FAM149A: variants seen among roughly 807,000 people sequenced by gnomAD.
The protein encoded by FAM149A is family with sequence similarity 149 member A.
A neutral mutation model predicts 78.2 loss-of-function variants in FAM149A; 71 were observed. The observed-to-expected ratio is 0.91, with a 90% confidence interval of 0.75 to 1.11. The LOEUF is 1.11. Among genes scored for constraint, FAM149A ranks in the 50% least tolerant of loss-of-function variants. The pLI, the probability that FAM149A is intolerant of heterozygous loss-of-function variation, is 0.00. For synonymous variants in FAM149A, 446 were observed against 410.5 expected (o/e 1.09, Z -1.04); for missense variants, 1,036 against 971.0 (o/e 1.07, Z -0.89).
chr4:186,155,474 A>G (rs187682599), intron 6 of FAM149A, among the ~76,000 whole-genome samples: 4 of 152,326 alleles, frequency 2.6e-5, no homozygotes, highest in African/African-American at 9.6e-5. Flanking sequence ...AATATGTGTA[A>G]ACTAAACAAC....
intron 8 of FAM149A, chr4:186,158,749 A>G (rs2126504937): frequency 2.8e-6 from 3 of 1,070,304 alleles, no homozygotes; most frequent in Non-Finnish European, 2.3e-6. Context: ...AGCCGTCCCT[A>G]CTGCAGACTG....
intron 1 of FAM149A, among the ~76,000 whole-genome samples, chr4:186,128,711 T>C (rs951784127): frequency 2.0e-5 from 3 of 152,226 alleles, no homozygotes; most frequent in Non-Finnish European, 4.4e-5. Flanking sequence ...TATTATTTAA[T>C]GTACTTCAGT....
At chr4:186,126,510 A>C (rs891558861) in intron 1 of FAM149A, among the ~76,000 whole-genome samples, 1 of 152,184 alleles carries the variant, frequency 6.6e-6, no homozygotes, top group African/African-American at 2.4e-5. Flanking sequence ...AAATAGAACA[A>C]AAAGGCAGAG....
chr4:186,149,108 A>G lies in FAM149A; in HGVS notation c.567-65A>G, dbSNP rs1312006653. On this transcript the variant is annotated intron_variant, in intron 1 of 13. Coordinates refer to ENST00000389354, the MANE Select transcript of FAM149A (RefSeq NM_001367768.3). ...CTTTGTATAAAAGAGAAATTTTAAAAGTCTTAATGAATAAAACTATATTAT... is the reference window on the plus strand; with the variant it reads ...CTTTGTATAAAAGAGAAATTTTAAAGGTCTTAATGAATAAAACTATATTAT... 6.6e-6 allele frequency: 8 copies of G among 1,205,680 alleles called. No individual in the cohort carries two copies. In the African/African-American group the frequency reaches 1.3e-4, roughly 19 times the overall value. 74.7% of individuals were successfully genotyped at this position (1,205,680 alleles called of 1,614,324 possible).
intron 7 of FAM149A, among the ~76,000 whole-genome samples, chr4:186,157,115 G>A (rs1208586133): frequency 2.0e-5 from 3 of 151,986 alleles, no homozygotes; most frequent in Non-Finnish European, 4.4e-5. Flanking sequence ...TATCTGTAAT[G>A]TAAAATGTAA....
chr4:186,109,138 C>T lies in FAM149A; in HGVS notation c.566+3496C>T, dbSNP rs189962957. On this transcript the variant is annotated intron_variant, in intron 1 of 13. Coordinates refer to ENST00000389354, the MANE Select transcript of FAM149A (RefSeq NM_001367768.3). ...CTGGGATTACAGGCTTGAGCCACCG[C>T]GCCCGGCCGGTCTTATTCTCTTATT... 3.5e-3 allele frequency: 3,441 copies of T among 984,868 alleles called. 7 individuals are homozygous for T. The highest frequency in any genetic ancestry group is 0.011 in the Middle Eastern group (22 of 1,914). 61.0% of individuals were successfully genotyped at this position (984,868 alleles called of 1,614,324 possible).
In FAM149A at chr4:186,105,451, C is replaced by G. The variant is rs1002676282; in HGVS notation, c.375C>G (p.Val125=). The change falls in exon 1 of 14, where the codon GTC becomes GTG. Residue 125 remains valine (V), a synonymous_variant. Coordinates refer to ENST00000389354, the MANE Select transcript of FAM149A (RefSeq NM_001367768.3). Reference sequence around the variant, plus strand: ...GCTGCTCCCCTGCTCGCCTGGTGGTCCCAGCGCGGCCGCCCTCGGGCCCCG... The same window carrying G: ...GCTGCTCCCCTGCTCGCCTGGTGGTGCCAGCGCGGCCGCCCTCGGGCCCCG... 2.5e-6 allele frequency: 3 copies of G among 1,214,874 alleles called. No individual in the cohort carries two copies. The South Asian group carries it at 4.2e-5, about 17-fold the overall frequency. 75.3% of individuals were successfully genotyped at this position (1,214,874 alleles called of 1,614,324 possible). A position where few individuals can be genotyped will look rare whatever the true frequency, so the allele number is the denominator to read the frequency against.
chr4:186,131,980 T>G, intron 1 of FAM149A: 1 of 985,448 alleles, frequency 1.0e-6, no homozygotes, highest in African/African-American at 1.7e-5. Context: ...CTTTTGTATT[T>G]CTTTTTGAAT....
rs956664468 is a variant in FAM149A at position 186,105,056 on chromosome 4, C to T, written c.-21C>T. 1.6e-6 allele frequency: 2 copies of T among 1,265,832 alleles called. No individual in the cohort carries two copies. The highest frequency in any genetic ancestry group is 3.2e-5 in the African/African-American group (2 of 62,326). 78.4% of individuals were successfully genotyped at this position (1,265,832 alleles called of 1,614,324 possible). On this transcript the variant is annotated 5_prime_UTR_variant, in exon 1 of 14. The change creates a new upstream start codon in the 5' untranslated region. Coordinates refer to ENST00000389354, the MANE Select transcript of FAM149A (RefSeq NM_001367768.3). The stretch of plus-strand genomic sequence containing the variant: ...CTGAACTCTCGGGCGGCGGCGAGGA[C>T]GGCGTGTCCACTGTCGAGGCATGAA...
At chr4:186,107,059 A>G (rs1209602903) in intron 1 of FAM149A, among the ~76,000 whole-genome samples, 2 of 152,224 alleles carry the variant, frequency 1.3e-5, no homozygotes, top group African/African-American at 4.8e-5. Flanking sequence ...AGTTTTCCCT[A>G]TCAGTTAATT....
chr4:186,150,713 C>G (rs1280831762), intron 3 of FAM149A, among the ~76,000 whole-genome samples: 1 of 102,714 alleles, frequency 9.7e-6, no homozygotes, highest in Non-Finnish European at 2.0e-5. Context: ...GCCACCGCGT[C>G]CGGCCTTTTC....
chr4:186,126,166 C>G (rs2099318242), intron 1 of FAM149A: 1 of 901,726 alleles, frequency 1.1e-6, no homozygotes, highest in Non-Finnish European at 1.3e-6. Flanking sequence ...CTACTCATTA[C>G]TAGGGGTACC....
chr4:186,160,159 G>A (rs7684001), intron 8 of FAM149A, among the ~76,000 whole-genome samples: 22,498 of 85,940 alleles, frequency 0.26, 2,233 homozygotes, highest in East Asian at 0.39. Context: ...CACACTACAC[G>A]CACACACACC....
chr4:186,157,939 T>C, intron 8 of FAM149A: 2 of 1,529,138 alleles, frequency 1.3e-6, no homozygotes, highest in African/African-American at 1.4e-5. Context: ...GACGAGGATG[T>C]GCTCAAGTTC....
In FAM149A at chr4:186,105,507, C is replaced by T. The variant is rs2099308387; in HGVS notation, c.431C>T (p.Pro144Leu). The T allele has an allele frequency of 8.5e-6, 10 of 1,174,986 alleles. No individual in the cohort carries two copies. In the South Asian group the frequency reaches 1.4e-4, roughly 17 times the overall value. 72.8% of individuals were successfully genotyped at this position (1,174,986 alleles called of 1,614,324 possible). The stretch of plus-strand genomic sequence containing the variant: ...GTCTGGGCCGCGCTCCCCAGGAACC[C>T]GCTCCAGCCTGGCCCCGGAGAGCGA... The change falls in exon 1 of 14, where the codon CCG (proline) becomes CTG (leucine). Residue 144 changes from proline to leucine, a missense_variant. Pro to Leu is a moderately conservative substitution (Grantham distance 98). This residue lies in a region of FAM149A where 316 missense variants were observed against 241.9 expected (regional missense o/e 1.31). Transcript: ENST00000389354.
At chr4:186,151,881 C>G in intron 3 of FAM149A, 22 bp from the exon 4 acceptor site, 3 of 1,612,930 alleles carry the variant, frequency 1.9e-6, no homozygotes, top group Non-Finnish European at 2.5e-6. Context: ...AGTGTTGTAA[C>G]CAAGTGTGCA....
At chr4:186,159,937 CACAG>C (rs1254499796) in intron 8 of FAM149A, among the ~76,000 whole-genome samples, 2 of 151,450 alleles carry the variant, frequency 1.3e-5, no homozygotes, top group Admixed American at 6.6e-5. Context: ...ACACACCACA[CACAG>C]ACACACACCA....
At chr4:186,162,450 T>C (rs1487277415) in intron 8 of FAM149A, among the ~76,000 whole-genome samples, 1 of 152,178 alleles carries the variant, frequency 6.6e-6, no homozygotes, top group African/African-American at 2.4e-5. Context: ...AGTGCTCCCT[T>C]GCCCTCCAAC....
chr4:186,154,358 G>T (rs1733859977), intron 5 of FAM149A, 110 bp from the exon 6 acceptor site: 2 of 849,582 alleles, frequency 2.4e-6, no homozygotes, highest in South Asian at 5.0e-5. Flanking sequence ...CGTTTTGGGA[G>T]GGGGGGATTC....
Sources: allele counts gnomAD v4.1 joint callset (sites outside exome capture counted in the v4.1 genomes callset), GRCh38; gene constraint gnomAD v4.1.1; regional missense constraint gnomAD v4.1.1; transcripts MANE v1.5; gene names NCBI Gene and HGNC (gene_info 2026-07-23, HGNC 2026-07-21).